The following ARHGEF4 variants were observed in gnomAD, a reference collection of about 807,000 sequenced individuals.
ARHGEF4 encodes the protein APC-stimulated guanine nucleotide exchange factor 1.
ARHGEF4 carries 119 observed loss-of-function variants against 162.0 expected under a neutral mutation model. That is an observed-to-expected ratio of 0.73 (90% CI 0.63 to 0.86). The LOEUF is 0.86. ARHGEF4 is among the 40% of genes least tolerant of loss of function. The pLI is 0.00. For missense variants in ARHGEF4, 2,488 were observed against 2,456.0 expected, an observed-to-expected ratio of 1.01 and a Z score of -0.28; for synonymous variants, 1,014 against 979.9, an observed-to-expected ratio of 1.03 and a Z score of -0.65.
chr2:130,888,325 G>A (rs1298376092), intron 1 of ARHGEF4, among the ~76,000 whole-genome samples: 1 of 151,878 alleles, frequency 6.6e-6, no homozygotes, highest in Admixed American at 6.6e-5. Context: ...ACAAAAATTA[G>A]CCGGGCATGA....
At chr2:130,864,165 G>A (rs147651793) in intron 1 of ARHGEF4, among the ~76,000 whole-genome samples, 12,268 of 150,438 alleles carry the variant, frequency 0.082, 964 homozygotes, top group African/African-American at 0.2. Context: ...CAGCCTGGGC[G>A]ACAGAGACTC....
At position 131,040,020 on chromosome 2, in the gene ARHGEF4, G is replaced by A. The variant is rs2105406142; in HGVS notation, c.4310G>A (p.Arg1437Lys). ...GWFPASFVRL[R>K]VNQDEPADDD... ...CCGGCCACGCATGGCCTGCAGCTGA[G>A]GGTGAATCAGGACGAGCCCGCGGAT... The change falls in exon 7 of 14, where the codon AGG (arginine) becomes AAG (lysine). Residue 1437 changes from arginine (R) to lysine (K), a missense_variant. Physicochemically the swap from Arg to Lys is conservative, Grantham distance 26 (BLOSUM62 2). This residue lies in a region of ARHGEF4 where 174 missense variants were observed against 148.3 expected (regional missense o/e 1.17). Coordinates refer to ENST00000409359, the MANE Select transcript of ARHGEF4 (RefSeq NM_001367493.1). 1 of 1,558,576 alleles carries A rather than the reference G, an allele frequency of 6.4e-7. No homozygotes were observed. Among genetic ancestry groups the A allele is most frequent in the Non-Finnish European group, 8.7e-7 (1 of 1,152,410 alleles).
At chr2:131,011,475 T>C (rs1379091184) in intron 4 of ARHGEF4, among the ~76,000 whole-genome samples, 3 of 152,136 alleles carry the variant, frequency 2.0e-5, no homozygotes, top group African/African-American at 4.8e-5. Context: ...AGAAAAAAAA[T>C]GCAATTTCTG....
chr2:130,974,561 C>T (rs749690393), intron 4 of ARHGEF4, among the ~76,000 whole-genome samples: 7 of 151,920 alleles, frequency 4.6e-5, no homozygotes, highest in Non-Finnish European at 1.0e-4. Flanking sequence ...GATCCTCCCA[C>T]CTCAGCCTCC....
At position 131,046,146 on chromosome 2, in the gene ARHGEF4, C is replaced by T. The variant is rs1399599243; in HGVS notation, c.5588C>T (p.Thr1863Ile). 1.9e-6 allele frequency: 3 copies of T among 1,612,960 alleles called. No individual in the cohort carries two copies. The highest frequency in any genetic ancestry group is 2.7e-5 in the African/African-American group (2 of 74,946). The change falls in exon 14 of 14, where the codon ACC (threonine) becomes ATC (isoleucine). Residue 1863 changes from threonine to isoleucine, a missense_variant. Transcript: ENST00000409359. ...GCGGAGCCCAGGCGCAAGCCATCTA[C>T]CTTCTGGCACAGCATCAGCCGGCTG... ...VLAEPRRKPSTFWHSISRLAP... is the reference protein window; with the variant it reads ...VLAEPRRKPSIFWHSISRLAP...
Position 130,965,621 on chromosome 2 carries a change from C to G in ARHGEF4, c.3985+18986C>G, listed in dbSNP as rs571728715. Among the ~76,000 whole-genome samples, 3 of 152,308 alleles carry G rather than the reference C, an allele frequency of 2.0e-5. No homozygotes were observed. The South Asian group carries it at 6.2e-4, about 32-fold the overall frequency. ...CTGGCAGAGGACTCCTGCCCCTTTC[C>G]TTATTCAGACGGCTTTCCTTCCTTT... is the stretch of plus-strand genomic sequence containing the variant. On this transcript the variant is annotated intron_variant, in intron 4 of 13. Transcript: ENST00000409359.
At chr2:130,878,903 AT>A (rs1395732163) in intron 1 of ARHGEF4, among the ~76,000 whole-genome samples, 3 of 152,218 alleles carry the variant, frequency 2.0e-5, no homozygotes, top group Admixed American at 6.5e-5. Flanking sequence ...GTGCCTGGCC[AT>A]TTTTTGGGCA....
chr2:131,024,554 C>T (rs6761160), intron 4 of ARHGEF4, among the ~76,000 whole-genome samples: 9,322 of 152,134 alleles, frequency 0.061, 957 homozygotes, highest in African/African-American at 0.21. Flanking sequence ...GGATTGCAGG[C>T]GTGAGCCACC....
Position 130,915,950 on chromosome 2 carries a change from G to T in ARHGEF4, c.2004G>T (p.Leu668Phe). 1 of 1,550,580 alleles carries T rather than the reference G, an allele frequency of 6.4e-7. No individual in the cohort carries two copies. Among genetic ancestry groups the T allele is most frequent in the South Asian group, 1.2e-5 (1 of 84,062 alleles). The stretch of plus-strand genomic sequence containing the variant: ...CTAAGGAAAGACCAGAATCTCCCTT[G>T]AGCACTGGCGAGACCCCCTGTGAGT... ...DFPKERPESP[L>F]STGETPCESP... The change falls in exon 2 of 14, where the codon TTG becomes TTT. Residue 668 changes from leucine to phenylalanine, a missense_variant. Transcript: ENST00000409359.
At chr2:130,879,780 A>AT (rs200318968) in intron 1 of ARHGEF4, among the ~76,000 whole-genome samples, 9,609 of 151,002 alleles carry the variant, frequency 0.064, 441 homozygotes, top group African/African-American at 0.13. Context: ...TTATTTTTTT[A>AT]TTTTTTTTAT....
intron 1 of ARHGEF4, among the ~76,000 whole-genome samples, chr2:130,845,733 C>G (rs1036470459): frequency 6.6e-6 from 1 of 152,202 alleles, no homozygotes; most frequent in Non-Finnish European, 1.5e-5. Context: ...GTGAGAAGAC[C>G]TGGAAGCGAC....
intron 2 of ARHGEF4, among the ~76,000 whole-genome samples, chr2:130,929,033 T>C (rs1280004721): frequency 6.6e-6 from 1 of 152,064 alleles, no homozygotes; most frequent in Non-Finnish European, 1.5e-5. Context: ...TTTTCACCCA[T>C]TCCCAGGAGT....
At chr2:130,869,657 G>A (rs1678324574) in intron 1 of ARHGEF4, among the ~76,000 whole-genome samples, 2 of 152,294 alleles carry the variant, frequency 1.3e-5, no homozygotes, top group South Asian at 4.1e-4. Flanking sequence ...GAGAAGAGAG[G>A]GTATGAAAGG....
chr2:131,004,766 A>C (rs942366178), intron 4 of ARHGEF4, among the ~76,000 whole-genome samples: 4 of 152,164 alleles, frequency 2.6e-5, no homozygotes, highest in Admixed American at 2.6e-4. Context: ...CCCTGGGGAC[A>C]CAACACACTT....
At chr2:130,839,840 A>G (rs548204039) in intron 1 of ARHGEF4, among the ~76,000 whole-genome samples, 2 of 152,150 alleles carry the variant, frequency 1.3e-5, no homozygotes, top group African/African-American at 4.8e-5. Flanking sequence ...AGGTCCCTGT[A>G]TTTTCATGGA....
In ARHGEF4 at chr2:131,040,068, A is replaced by G; in HGVS notation, c.4358A>G (p.Asn1453Ser). ...GATGACGACGCCCCTCTGGCCGGGA[A>G]CAGCGGAGCGGAGGACGGCGGGGCG... ...PADDDAPLAGNSGAEDGGAEA... is the reference protein window; with the variant it reads ...PADDDAPLAGSSGAEDGGAEA... The change falls in exon 7 of 14, where the codon AAC (asparagine) becomes AGC (serine). Residue 1453 changes from asparagine (N) to serine (S), a missense_variant. Asn to Ser is a conservative substitution (Grantham distance 46). Around this residue, in one of 6 missense-constraint regions of ARHGEF4, gnomAD observed 174 missense variants for 148.3 expected, o/e 1.17. Coordinates refer to ENST00000409359, the MANE Select transcript of ARHGEF4 (RefSeq NM_001367493.1). 1.3e-6 allele frequency: 2 copies of G among 1,597,442 alleles called. No individual in the cohort carries two copies. Among genetic ancestry groups the G allele is most frequent in the South Asian group, 2.2e-5 (2 of 89,008 alleles).
intron 1 of ARHGEF4, among the ~76,000 whole-genome samples, chr2:130,910,861 A>G (rs776630037): frequency 1.8e-4 from 28 of 152,360 alleles, no homozygotes; most frequent in Non-Finnish European, 2.6e-4. Context: ...TCACAGGTCA[A>G]AAAGGAAATT....
At chr2:130,988,522 C>T (rs1435015101) in intron 4 of ARHGEF4, among the ~76,000 whole-genome samples, 1 of 152,180 alleles carries the variant, frequency 6.6e-6, no homozygotes, top group Admixed American at 6.6e-5. Context: ...TTCCAAATCT[C>T]CAACCCAGAA....
intron 4 of ARHGEF4, 172 bp downstream of exon 4, chr2:130,946,807 G>A (rs1442548410): frequency 1.1e-6 from 1 of 872,544 alleles, no homozygotes; most frequent in African/African-American, 1.7e-5. Flanking sequence ...ACTACCCAAA[G>A]AAAGGGAATT....
Sources: gnomAD v4.1 joint callset for allele counts (sites outside exome capture counted in the v4.1 genomes callset) on GRCh38, gnomAD v4.1.1 for gene constraint, gnomAD v4.1.1 regional missense constraint, MANE v1.5 for transcripts, NCBI Gene and HGNC (gene_info 2026-07-23, HGNC 2026-07-21) for gene names.